The following URI1 variants were observed in gnomAD, a reference collection of about 807,000 sequenced individuals.
URI1 encodes unconventional prefoldin RPB5 interactor 1.
Under a neutral mutation model 60.2 loss-of-function variants are expected in URI1, and 39 were observed. The observed-to-expected ratio is 0.65, with a 90% confidence interval of 0.50 to 0.85. The LOEUF (loss-of-function observed/expected upper bound fraction) is 0.85. Among genes scored for constraint, URI1 ranks in the 40% least tolerant of loss-of-function variants. The pLI is 0.00. For synonymous variants in URI1, 251 were observed against 236.8 expected, an observed-to-expected ratio of 1.06 and a Z score of -0.55; for missense variants, 691 against 665.9, an observed-to-expected ratio of 1.04 and a Z score of -0.42.
intron 4 of URI1, among the ~76,000 whole-genome samples, chr19:30,001,695 A>G (rs1428312470): frequency 6.6e-6 from 1 of 151,994 alleles, no homozygotes; most frequent in Non-Finnish European, 1.5e-5. Context: ...ATCGACTTGT[A>G]GTAGCTTTTC....
At chr19:29,926,233 C>CCTTCCT (rs1385038224) in intron 1 of URI1, among the ~76,000 whole-genome samples, 1 of 131,578 alleles carries the variant, frequency 7.6e-6, no homozygotes, top group Admixed American at 7.9e-5. Flanking sequence ...TTCTTCCTCT[C>CCTTCCT]TCCTTCCTTC....
At chr19:29,969,307 A>G (rs2055429298) in intron 1 of URI1, among the ~76,000 whole-genome samples, 2 of 152,218 alleles carry the variant, frequency 1.3e-5, no homozygotes, top group South Asian at 4.1e-4. Flanking sequence ...GAATGGCCGG[A>G]ACGAAGTGGA....
chr19:29,977,411 C>G (rs546815157), intron 2 of URI1, among the ~76,000 whole-genome samples: 17 of 151,954 alleles, frequency 1.1e-4, no homozygotes, highest in Admixed American at 4.6e-4. Context: ...ACCTTTAAAA[C>G]TTGTAAAAGC....
chr19:29,952,200 T>C (rs1473472186), intron 1 of URI1, among the ~76,000 whole-genome samples: 2 of 152,196 alleles, frequency 1.3e-5, no homozygotes, highest in African/African-American at 4.8e-5. Flanking sequence ...GAAAAACAAT[T>C]TTATTGGAAA....
intron 4 of URI1, among the ~76,000 whole-genome samples, chr19:30,005,158 C>T (rs572676632): frequency 4.3e-4 from 66 of 151,906 alleles, no homozygotes; most frequent in Non-Finnish European, 6.8e-4. Context: ...CATTTTATTA[C>T]GAACAAAGTA....
intron 6 of URI1, among the ~76,000 whole-genome samples, chr19:30,005,938 C>T (rs1170349024): frequency 6.6e-6 from 1 of 151,914 alleles, no homozygotes; most frequent in Non-Finnish European, 1.5e-5. Flanking sequence ...GATTACATGG[C>T]TTTTTTCTCC....
intron 1 of URI1, among the ~76,000 whole-genome samples, chr19:29,950,402 A>G (rs200150677): frequency 6.3e-5 from 7 of 111,608 alleles, no homozygotes; most frequent in South Asian, 3.1e-4. Context: ...TGATGTCTCA[A>G]TCTTTTTAGT....
intron 2 of URI1, among the ~76,000 whole-genome samples, chr19:29,981,386 A>G (rs75239118): frequency 0.019 from 2,889 of 152,144 alleles, 104 homozygotes; most frequent in African/African-American, 0.067. Context: ...ATTTTATGCA[A>G]ATGAGCTGTT....
upstream of URI1, chr19:29,942,227 G>C (rs537621092): frequency 1.5e-4 from 150 of 984,780 alleles, no homozygotes; most frequent in East Asian, 0.013. Context: ...GGCGTGCCGC[G>C]AGAGGCGGGG....
At chr19:29,933,940 C>CTTT (rs34942474) in intron 1 of URI1, among the ~76,000 whole-genome samples, 17 of 124,682 alleles carry the variant, frequency 1.4e-4, no homozygotes, top group African/African-American at 1.7e-4. Context: ...CTTTTCTTCC[C>CTTT]TTTTTTTTTT....
intron 4 of URI1, among the ~76,000 whole-genome samples, chr19:30,001,182 T>A (rs1202212071): frequency 6.6e-6 from 1 of 151,954 alleles, no homozygotes; most frequent in Non-Finnish European, 1.5e-5. Flanking sequence ...AAGAATTTCT[T>A]CAAATGTCTG....
intron 2 of URI1, among the ~76,000 whole-genome samples, chr19:29,984,930 A>C (rs1311238036): frequency 6.6e-6 from 1 of 151,182 alleles, no homozygotes; most frequent in African/African-American, 2.4e-5. Flanking sequence ...GACCAGCCTG[A>C]CCAACATGGT....
chr19:29,937,040 C>T (rs1259992592), intron 1 of URI1, among the ~76,000 whole-genome samples: 1 of 152,224 alleles, frequency 6.6e-6, no homozygotes, highest in African/African-American at 2.4e-5. Context: ...GCATGAGCCA[C>T]CATGGCCAGC....
intron 1 of URI1, among the ~76,000 whole-genome samples, chr19:29,968,863 G>A (rs1485021612): frequency 6.6e-6 from 1 of 151,460 alleles, no homozygotes; most frequent in Admixed American, 6.6e-5. Flanking sequence ...GAGCCACCGC[G>A]TCTGACCAAA....
intron 1 of URI1, among the ~76,000 whole-genome samples, chr19:29,943,285 G>A (rs866521164): frequency 6.6e-6 from 1 of 151,970 alleles, no homozygotes; most frequent in Admixed American, 6.6e-5. Flanking sequence ...TAATTTCATC[G>A]TATAATAAAT....
chr19:30,002,197 T>C (rs1346423908), intron 4 of URI1, among the ~76,000 whole-genome samples: 4 of 152,064 alleles, frequency 2.6e-5, no homozygotes, highest in Admixed American at 6.6e-5. Flanking sequence ...ATTAGTGTTT[T>C]GCAAATAATT....
At chr19:29,943,924 A>G (rs1469030683) in intron 1 of URI1, among the ~76,000 whole-genome samples, 2 of 151,354 alleles carry the variant, frequency 1.3e-5, no homozygotes, top group African/African-American at 4.9e-5. Context: ...GCTTGAAGCC[A>G]AGGAGTTCGA....
intron 1 of URI1, among the ~76,000 whole-genome samples, chr19:29,950,610 ACAT>A (rs1420194802): frequency 1.3e-5 from 2 of 152,184 alleles, no homozygotes; most frequent in African/African-American, 2.4e-5. Context: ...TGAATTGCAG[ACAT>A]CATCACATCA....
chr19:29,927,532 G>A (rs1456171489), intron 1 of URI1, among the ~76,000 whole-genome samples: 1 of 144,678 alleles, frequency 6.9e-6, no homozygotes, highest in Admixed American at 7.0e-5. Flanking sequence ...AAAGTACTGG[G>A]ATTACAAGCA....
Sources: allele counts gnomAD v4.1 joint callset (sites outside exome capture counted in the v4.1 genomes callset), GRCh38; gene constraint gnomAD v4.1.1; transcripts MANE v1.5; gene names NCBI Gene and HGNC (gene_info 2026-07-23, HGNC 2026-07-21).